Variants in ZC3H12B observed in about 807,000 individuals in gnomAD.
ZC3H12B encodes zinc finger CCCH-type containing 12B.
In ZC3H12B, 7 loss-of-function variants were observed where a neutral mutation model predicts 43.9. That is an observed-to-expected ratio of 0.16 (90% CI 0.09 to 0.30). The LOEUF (loss-of-function observed/expected upper bound fraction) is 0.30. Among genes scored for constraint, ZC3H12B ranks in the 10% least tolerant of loss-of-function variants. The probability of loss-of-function intolerance (pLI) is 1.00; values close to 1 mark genes in which losing one functional copy is unlikely to be tolerated. For synonymous variants in ZC3H12B, 222 were observed against 241.7 expected, an observed-to-expected ratio of 0.92 and a Z score of 0.76; for missense variants, 475 against 670.2, an observed-to-expected ratio of 0.71 and a Z score of 3.22.
At chrX:65,156,721 G>A in the ZC3H12B span, among the ~76,000 whole-genome samples, 4 of 110,282 alleles carry the variant, frequency 3.6e-5, no homozygotes, top group African/African-American at 1.3e-4. Context: ...TCTCCATGTT[G>A]CCCAGGCTGA....
At chrX:65,497,403 A>G (rs866379872) in intron 2 of ZC3H12B, 132 bp downstream of exon 7, 28 of 611,047 alleles carry the variant, frequency 4.6e-5, no homozygotes, top group Middle Eastern at 4.3e-4. Context: ...TTAAGCATAT[A>G]TTTGAAAAAA....
At chrX:65,224,943 GA>G in the ZC3H12B span, among the ~76,000 whole-genome samples, 1 of 112,100 alleles carries the variant, frequency 8.9e-6, no homozygotes, top group Non-Finnish European at 1.9e-5. Flanking sequence ...AACTCTGGGG[GA>G]GGGCACAGAC....
At chrX:65,296,482 T>G in the ZC3H12B span, among the ~76,000 whole-genome samples, 3 of 110,458 alleles carry the variant, frequency 2.7e-5, no homozygotes, top group Non-Finnish European at 5.7e-5. Context: ...ACACCATATG[T>G]TCCCAAAAAA....
the ZC3H12B span, among the ~76,000 whole-genome samples, chrX:65,355,009 G>T: frequency 8.9e-6 from 1 of 111,968 alleles, no homozygotes; most frequent in Non-Finnish European, 1.9e-5. Flanking sequence ...AAGTGATGGG[G>T]AGAATGGAAC....
intron 3 of ZC3H12B, among the ~76,000 whole-genome samples, chrX:65,433,798 T>A (rs1408098079): frequency 8.9e-6 from 1 of 112,018 alleles, no homozygotes; most frequent in Non-Finnish European, 1.9e-5. Context: ...GTGCTCTTCA[T>A]CATGAGGAGC....
At chrX:65,252,505 C>T in the ZC3H12B span, among the ~76,000 whole-genome samples, 1 of 111,653 alleles carries the variant, frequency 9.0e-6, no homozygotes, top group South Asian at 3.7e-4. Context: ...ATTATTACCC[C>T]CTTTTTACAG....
At chrX:65,061,412 C>T in the ZC3H12B span, among the ~76,000 whole-genome samples, 15 of 112,140 alleles carry the variant, frequency 1.3e-4, 1 homozygote, top group East Asian at 5.6e-4. Flanking sequence ...TGAGAACATG[C>T]GGTGTATGGT....
the ZC3H12B span, among the ~76,000 whole-genome samples, chrX:65,182,264 A>T: frequency 9.0e-6 from 1 of 110,748 alleles, no homozygotes; most frequent in Non-Finnish European, 1.9e-5. Context: ...AGGTGGGGGC[A>T]AGGGGAGGGA....
chrX:65,383,306 A>G (rs1293803984), intron 2 of ZC3H12B, among the ~76,000 whole-genome samples: 2 of 111,929 alleles, frequency 1.8e-5, no homozygotes, highest in African/African-American at 6.5e-5. Flanking sequence ...CCGCATATCT[A>G]CAACTATCTG....
At chrX:65,189,834 G>A in the ZC3H12B span, among the ~76,000 whole-genome samples, 2 of 110,675 alleles carry the variant, frequency 1.8e-5, no homozygotes, top group African/African-American at 6.7e-5. Flanking sequence ...GCCTTCTGTT[G>A]CCATTGCTTT....
chrX:65,489,377 A>T, exon 1 of ZC3H12B: 1 of 1,204,211 alleles, frequency 8.3e-7, no homozygotes, highest in Non-Finnish European at 1.1e-6. Context: ...ATTTGAGGCC[A>T]GTTGTCATTG....
the ZC3H12B span, among the ~76,000 whole-genome samples, chrX:65,178,204 A>G: frequency 8.9e-6 from 1 of 112,501 alleles, no homozygotes; most frequent in Admixed American, 9.5e-5. Flanking sequence ...AAAACTGGCT[A>G]GCCATATGCA....
intron 2 of ZC3H12B, among the ~76,000 whole-genome samples, chrX:65,374,120 CTATA>C (rs1205870744): frequency 1.6e-5 from 1 of 62,958 alleles, no homozygotes; most frequent in African/African-American, 9.1e-5. Flanking sequence ...TTATATATAA[CTATA>C]TATAGTGTAT....
chrX:65,437,348 AT>A (rs1309479854), intron 3 of ZC3H12B, among the ~76,000 whole-genome samples: 9 of 111,911 alleles, frequency 8.0e-5, no homozygotes, highest in African/African-American at 2.9e-4. Context: ...CTCCATCTCC[AT>A]GAATGTAACT....
chrX:65,144,014 T>G, the ZC3H12B span, among the ~76,000 whole-genome samples: 1 of 111,845 alleles, frequency 8.9e-6, no homozygotes, highest in Non-Finnish European at 1.9e-5. Context: ...TGATACAGGC[T>G]TAATGGAATC....
At chrX:65,194,590 A>T in the ZC3H12B span, among the ~76,000 whole-genome samples, 1 of 111,810 alleles carries the variant, frequency 8.9e-6, no homozygotes, top group African/African-American at 3.3e-5. Context: ...GTTTTGACCT[A>T]ATATATGGTC....
At chrX:65,493,236 A>G (rs559874894) in intron 1 of ZC3H12B, among the ~76,000 whole-genome samples, 64 of 110,711 alleles carry the variant, frequency 5.8e-4, no homozygotes, top group Non-Finnish European at 3.6e-4. Flanking sequence ...GCAAAACTTC[A>G]TCTCTACTAA....
At chrX:65,407,855 A>G (rs2066853062) in intron 3 of ZC3H12B, among the ~76,000 whole-genome samples, 1 of 113,269 alleles carries the variant, frequency 8.8e-6, no homozygotes, top group Non-Finnish European at 1.9e-5. Context: ...TGGGGCGCCC[A>G]CTAATGTGGC....
At chrX:65,481,967 T>C (rs1278896186) in intron 3 of ZC3H12B, among the ~76,000 whole-genome samples, 2 of 111,713 alleles carry the variant, frequency 1.8e-5, no homozygotes, top group Non-Finnish European at 3.8e-5. Flanking sequence ...ATGTCATGGC[T>C]GCAATACTGC....
Sources: gnomAD v4.1 joint callset for allele counts (sites outside exome capture counted in the v4.1 genomes callset) on GRCh38, gnomAD v4.1.1 for gene constraint, MANE v1.5 for transcripts, NCBI Gene and HGNC (gene_info 2026-07-23, HGNC 2026-07-21) for gene names.